FAM20A: variants seen among roughly 807,000 people sequenced by gnomAD.
FAM20A encodes FAM20A golgi associated secretory pathway pseudokinase.
A neutral mutation model predicts 52.0 loss-of-function variants in FAM20A; 42 were observed. The ratio of observed to expected loss-of-function variants is 0.81; its 90% CI spans 0.63 to 1.04. The LOEUF (loss-of-function observed/expected upper bound fraction) is 1.04, where lower values mean the gene tolerates loss of function less well. Among genes scored for constraint, FAM20A ranks in the 50% least tolerant of loss-of-function variants. The probability of loss-of-function intolerance (pLI) is 0.00; values close to 1 mark genes in which losing one functional copy is unlikely to be tolerated. For synonymous variants in FAM20A, 304 were observed against 298.9 expected, an observed-to-expected ratio of 1.02 and a Z score of -0.18; for missense variants, 742 against 712.7, an observed-to-expected ratio of 1.04 and a Z score of -0.47.
At chr17:68,586,032 T>C (rs2046373037) in intron 1 of FAM20A, among the ~76,000 whole-genome samples, 1 of 152,150 alleles carries the variant, frequency 6.6e-6, no homozygotes, top group South Asian at 2.1e-4. Context: ...TTTTACCTTA[T>C]AGACATGGTT....
At chr17:68,579,906 G>A (rs980075368) in intron 1 of FAM20A, among the ~76,000 whole-genome samples, 7 of 152,168 alleles carry the variant, frequency 4.6e-5, no homozygotes, top group African/African-American at 4.8e-5. Flanking sequence ...TGGAACACAC[G>A]GGAGAACAAG....
At chr17:68,585,227 C>G (rs899384641) in intron 1 of FAM20A, among the ~76,000 whole-genome samples, 35 of 152,154 alleles carry the variant, frequency 2.3e-4, no homozygotes, top group South Asian at 4.1e-4. Context: ...TCCTGTTTGA[C>G]TCCATGACTT....
chr17:68,592,383 A>G (rs2088338501), intron 1 of FAM20A, among the ~76,000 whole-genome samples: 2 of 152,336 alleles, frequency 1.3e-5, no homozygotes, highest in South Asian at 4.1e-4. Flanking sequence ...AGAATTATAA[A>G]AAAATTCCGT....
intron 8 of FAM20A, 62 bp downstream of exon 8, chr17:68,540,787 C>T (rs181176231): frequency 6.0e-5 from 93 of 1,549,654 alleles, no homozygotes; most frequent in African/African-American, 4.5e-4. Flanking sequence ...CTCAAGGTCA[C>T]GGGGAACCCT....
intron 1 of FAM20A, 120 bp from the exon 2 acceptor site, chr17:68,555,863 T>C: frequency 1.7e-6 from 2 of 1,183,518 alleles, no homozygotes; most frequent in Non-Finnish European, 2.5e-6. Context: ...AAGCATCTAA[T>C]GAGGGCTAGG....
rs570578346 is a variant in FAM20A at position 68,536,451 on chromosome 17, G to C, written c.*1026C>G. 8.8e-6 allele frequency: 4 copies of C among 454,124 alleles called. No homozygotes were observed. Among genetic ancestry groups the C allele is most frequent in the South Asian group, 6.2e-5 (4 of 64,478 alleles). 28.1% of individuals were successfully genotyped at this position (454,124 alleles called of 1,614,324 possible). A position where few individuals can be genotyped will look rare whatever the true frequency, so the allele number is the denominator to read the frequency against. ...AACAAGTCAGGGAGAAGGTAGAGGAGACAAGGAATCCCTACTACACTTTCT... is the reference window on the plus strand; with the variant it reads ...AACAAGTCAGGGAGAAGGTAGAGGACACAAGGAATCCCTACTACACTTTCT... On this transcript the variant is annotated 3_prime_UTR_variant, in exon 11 of 11. Transcript: ENST00000592554.
intron 1 of FAM20A, chr17:68,582,260 G>C (rs1222100667): frequency 6.6e-6 from 1 of 152,258 alleles, no homozygotes; most frequent in Non-Finnish European, 1.5e-5. Flanking sequence ...GGAGGGGAAG[G>C]GGGGCAGAGT....
In FAM20A at chr17:68,536,749, G is replaced by A. The variant is rs9892782; in HGVS notation, c.*728C>T. ...GAGGACTTTCCTTTTTTTTTCCTTC[G>A]TTGTAATTATTTATTCTGTTACTGG... is the stretch of plus-strand genomic sequence containing the variant. On this transcript the variant is annotated 3_prime_UTR_variant, in exon 11 of 11. Coordinates refer to ENST00000592554, the MANE Select transcript of FAM20A (RefSeq NM_017565.4). 102,880 of 451,852 alleles carry A rather than the reference G, an allele frequency of 0.23. 12,044 individuals are homozygous for A. Among genetic ancestry groups the A allele is most frequent in the Middle Eastern group, 0.28 (395 of 1,436 alleles). The allele number at this position is 451,852 out of a possible 1,614,324, so 28.0% of individuals were successfully genotyped here.
At chr17:68,542,304 T>C (rs2086337357) in intron 6 of FAM20A, 139 bp from the exon 7 acceptor site, 4 of 989,860 alleles carry the variant, frequency 4.0e-6, no homozygotes, top group African/African-American at 1.6e-5. Context: ...GAAGGAAACA[T>C]TGACTTTTCC....
chr17:68,551,802 A>G (rs763843896), intron 4 of FAM20A, 71 bp downstream of exon 4: 5 of 1,078,392 alleles, frequency 4.6e-6, no homozygotes, highest in Non-Finnish European at 7.0e-6. Context: ...GGTCACTTTT[A>G]TTAGTTTTTG....
intron 1 of FAM20A, among the ~76,000 whole-genome samples, chr17:68,558,734 TCCTC>T (rs2087126176): frequency 6.6e-6 from 1 of 151,982 alleles, no homozygotes; most frequent in Non-Finnish European, 1.5e-5. Flanking sequence ...TTCCCTTCCT[TCCTC>T]CCTCCCTCCT....
intron 1 of FAM20A, among the ~76,000 whole-genome samples, chr17:68,589,411 T>G (rs1301871077): frequency 6.6e-6 from 1 of 152,156 alleles, no homozygotes; most frequent in African/African-American, 2.4e-5. Flanking sequence ...TCACTAAGTA[T>G]TGGAATAGTT....
chr17:68,553,304 A>G (rs2086930310), intron 3 of FAM20A, among the ~76,000 whole-genome samples: 1 of 152,108 alleles, frequency 6.6e-6, no homozygotes, highest in South Asian at 2.1e-4. Context: ...GCTTCCTGTT[A>G]AGCCTGCAGA....
intron 1 of FAM20A, among the ~76,000 whole-genome samples, chr17:68,556,208 GAA>G (rs2087045331): frequency 6.6e-6 from 1 of 152,176 alleles, no homozygotes; most frequent in South Asian, 2.1e-4. Flanking sequence ...AGAATAAAAA[GAA>G]GAGAGGGTGC....
Position 68,600,606 on chromosome 17 carries a change from C to T in FAM20A, c.61G>A (p.Ala21Thr). 6.4e-7 allele frequency: 1 copy of T among 1,562,652 alleles called. No individual in the cohort carries two copies. The highest frequency in any genetic ancestry group is 8.6e-7 in the Non-Finnish European group (1 of 1,157,466). ...GGCCAGAGGTGGAAGTAGAGGTCGG[C>T]GGAGAGCAGCGCGCCCAGCAGCAGC... Reference protein sequence around the residue: ...TLLLLGALLSADLYFHLWPQV... With the variant: ...TLLLLGALLSTDLYFHLWPQV... The change falls in exon 1 of 11, where the codon GCC becomes ACC. Residue 21 changes from alanine (A) to threonine (T), a missense_variant. Transcript: ENST00000592554. The surrounding 1 kb of genome is among the most constrained non-coding windows in gnomAD (Gnocchi z 6.2).
intron 1 of FAM20A, among the ~76,000 whole-genome samples, chr17:68,560,875 G>T (rs2087194219): frequency 6.6e-6 from 1 of 152,142 alleles, no homozygotes; most frequent in Non-Finnish European, 1.5e-5. Flanking sequence ...CAATCTAATA[G>T]GTGAAAAATG....
intron 1 of FAM20A, among the ~76,000 whole-genome samples, chr17:68,560,348 A>G (rs557461102): frequency 6.6e-6 from 1 of 151,806 alleles, no homozygotes; most frequent in Admixed American, 6.6e-5. Flanking sequence ...CATCTCAAAA[A>G]AAAAAAAAAA....
chr17:68,590,321 C>T (rs780547154), intron 1 of FAM20A: 1 of 152,200 alleles, frequency 6.6e-6, no homozygotes, highest in Non-Finnish European at 1.5e-5. Context: ...CAGACTCCCC[C>T]TCTTCCTTTC....
chr17:68,558,138 G>A (rs2087106471), intron 1 of FAM20A, among the ~76,000 whole-genome samples: 1 of 152,144 alleles, frequency 6.6e-6, no homozygotes, highest in African/African-American at 2.4e-5. Flanking sequence ...TCAAGTGGAA[G>A]GACCAGAAAG....
Sources: gnomAD v4.1 joint callset for allele counts (sites outside exome capture counted in the v4.1 genomes callset) on GRCh38, gnomAD v4.1.1 for gene constraint, Gnocchi (gnomAD v3.1) non-coding constraint, MANE v1.5 for transcripts, NCBI Gene and HGNC (gene_info 2026-07-23, HGNC 2026-07-21) for gene names.